TRAF7: variants seen among roughly 807,000 people sequenced by gnomAD.
TRAF7 encodes E3 ubiquitin-protein ligase TRAF7.
A neutral mutation model predicts 89.3 loss-of-function variants in TRAF7; 45 were observed. The ratio of observed to expected loss-of-function variants is 0.50; its 90% CI spans 0.40 to 0.65. TRAF7 has a LOEUF of 0.65. Ranked by LOEUF, TRAF7 falls within the 30% of genes least tolerant of loss-of-function variation. The probability of loss-of-function intolerance (pLI) is 0.00; values close to 1 mark genes in which losing one functional copy is unlikely to be tolerated. For missense variants in TRAF7, 677 were observed against 918.1 expected, an observed-to-expected ratio of 0.74 and a Z score of 3.39; for synonymous variants, 406 against 369.2, an observed-to-expected ratio of 1.10 and a Z score of -1.14.
At position 2,157,234 on chromosome 16, in the gene TRAF7, C is replaced by G. The variant is rs553374115; in HGVS notation, c.-39+1376C>G. 2.6e-5 allele frequency among the ~76,000 whole-genome samples: 4 copies of G among 152,218 alleles called. No individual in the cohort carries two copies. The South Asian group carries it at 8.3e-4, about 32-fold the overall frequency. On this transcript the variant is annotated intron_variant, in intron 1 of 20. Transcript: ENST00000326181. ...TTGCGAATATCCTGACTTCACTGTT[C>G]TGGGCATTCATAGTTCTCTGTGGAA...
chr16:2,173,029 G>C (rs1223385466), intron 9 of TRAF7, among the ~76,000 whole-genome samples, 153 bp from the exon 10 acceptor site: 1 of 152,228 alleles, frequency 6.6e-6, no homozygotes, highest in South Asian at 2.1e-4. Flanking sequence ...GGGGGTAGCT[G>C]GATGGGGAGG....
At chr16:2,166,256 C>T (rs2093086254) in intron 3 of TRAF7, among the ~76,000 whole-genome samples, 1 of 152,144 alleles carries the variant, frequency 6.6e-6, no homozygotes, top group African/African-American at 2.4e-5. Context: ...TCACAGTGAT[C>T]CCCAGCTTGT....
chr16:2,173,675 G>C (rs1596678358), intron 11 of TRAF7, 113 bp from the exon 12 acceptor site: 1 of 1,573,238 alleles, frequency 6.4e-7, no homozygotes, highest in East Asian at 2.3e-5. Flanking sequence ...TGTGTGGCAG[G>C]GGCTGCTGTC....
chr16:2,173,859 T>TTGCGCCCCCCCCC, intron 12 of TRAF7, 23 bp downstream of exon 12: 1 of 1,246,252 alleles, frequency 8.0e-7, no homozygotes, highest in Non-Finnish European at 1.1e-6. Flanking sequence ...CCGCCGTGGC[T>TTGCGCCCCCCCCC]CCCGCCCACC....
At chr16:2,167,100 C>G (rs2093089495) in intron 3 of TRAF7, among the ~76,000 whole-genome samples, 1 of 151,756 alleles carries the variant, frequency 6.6e-6, no homozygotes, top group Admixed American at 6.6e-5. Flanking sequence ...CTTTTTTTTT[C>G]TAATCCTACC....
At position 2,158,383 on chromosome 16, in the gene TRAF7, G is replaced by C. The variant is rs961038312; in HGVS notation, c.-39+2525G>C. 6.6e-6 allele frequency among the ~76,000 whole-genome samples: 1 copy of C among 152,196 alleles called. No individual in the cohort carries two copies. On this transcript the variant is annotated intron_variant, in intron 1 of 20. Transcript: ENST00000326181. The surrounding 1 kb of genome is among the most constrained non-coding windows in gnomAD (Gnocchi z 4.7). ...AGGGGAAAGCGGGCACTGGAGGCTG[G>C]GGCTGGTCACGTGTAGACCCGGACA...
intron 11 of TRAF7, 88 bp downstream of exon 11, chr16:2,173,642 A>C: frequency 6.4e-7 from 1 of 1,573,862 alleles, no homozygotes; most frequent in Non-Finnish European, 8.7e-7. Flanking sequence ...CCTTGCCTAC[A>C]CTAGTCAAGA....
At chr16:2,164,480 G>A (rs1363683083) in intron 2 of TRAF7, among the ~76,000 whole-genome samples, 30 of 140,132 alleles carry the variant, frequency 2.1e-4, no homozygotes, top group Middle Eastern at 4.7e-3. Context: ...TGGCCTGGTC[G>A]CATGGTTAAG....
At position 2,172,610 on chromosome 16, in the gene TRAF7, GGCGGGC is replaced by G; in HGVS notation, c.794+13_794+18del. On this transcript the variant is annotated intron_variant, in intron 9 of 20. Transcript: ENST00000326181. ...CCACTCCAAGTACGGGTGAGTGGGG[GGCGGGC>G]GGGGGTGGGCCGGGGTGGGCGCAGG... 6.5e-7 allele frequency: 1 copy of G among 1,540,806 alleles called. No individual in the cohort carries two copies. The highest frequency in any genetic ancestry group is 8.8e-7 in the Non-Finnish European group (1 of 1,140,584).
Position 2,172,556 on chromosome 16 carries a change from C to T in TRAF7, c.751C>T (p.Leu251Phe). ...PLLRMNLEAHLKECEHIKCPH... is the reference protein window; with the variant it reads ...PLLRMNLEAHFKECEHIKCPH... ...GCTCAGGATGAACCTGGAGGCCCAC[C>T]TCAAGGAGTGCGAGCACATCAAATG... is the stretch of plus-strand genomic sequence containing the variant. The change falls in exon 9 of 21, where the codon CTC becomes TTC. Residue 251 changes from leucine (L) to phenylalanine (F), a missense_variant. This residue lies in a region of TRAF7 where 238 missense variants were observed against 352.6 expected (regional missense o/e 0.67). Transcript: ENST00000326181. The T allele has an allele frequency of 1.9e-6, 3 of 1,572,220 alleles. No homozygotes were observed. Among genetic ancestry groups the T allele is most frequent in the Non-Finnish European group, 2.6e-6 (3 of 1,159,458 alleles).
At chr16:2,166,449 C>T (rs2093086989) in intron 3 of TRAF7, among the ~76,000 whole-genome samples, 2 of 152,140 alleles carry the variant, frequency 1.3e-5, no homozygotes, top group Non-Finnish European at 2.9e-5. Context: ...CACTCTGTCA[C>T]CCAAGCTGGA....
intron 6 of TRAF7, 71 bp from the exon 7 acceptor site, chr16:2,171,501 G>A (rs1217023832): frequency 6.2e-7 from 1 of 1,606,148 alleles, no homozygotes; most frequent in Non-Finnish European, 8.5e-7. Flanking sequence ...GAGGCCTGTG[G>A]CTGCCATGGC....
chr16:2,156,929 G>A (rs939509760), intron 1 of TRAF7, among the ~76,000 whole-genome samples: 3 of 152,098 alleles, frequency 2.0e-5, no homozygotes, highest in Admixed American at 6.5e-5. Flanking sequence ...GTCAAGATAC[G>A]GTTGTCTTGA....
intron 12 of TRAF7, 23 bp downstream of exon 12, chr16:2,173,859 T>TGGGGGGCCCCCCCC: frequency 1.6e-5 from 20 of 1,246,022 alleles, no homozygotes; most frequent in Non-Finnish European, 2.1e-5. Context: ...CCGCCGTGGC[T>TGGGGGGCCCCCCCC]CCCGCCCACC....
At position 2,177,291 on chromosome 16, in the gene TRAF7, A is replaced by T. The variant is rs376350214; in HGVS notation, c.*717A>T. The T allele has an allele frequency of 4.2e-6, 1 of 235,852 alleles. No homozygotes were observed. The allele number at this position is 235,852 out of a possible 1,614,324, so 14.6% of individuals were successfully genotyped here. ...CCTCTGAGGAGAGGCCTGGGGGGAC[A>T]GCTGGGCACGTCCACTCGCAGGGAA... On this transcript the variant is annotated 3_prime_UTR_variant, in exon 21 of 21. Coordinates refer to ENST00000326181, the MANE Select transcript of TRAF7 (RefSeq NM_032271.3).
intron 12 of TRAF7, 23 bp downstream of exon 12, chr16:2,173,859 T>TGGGCGGCCC: frequency 8.0e-7 from 1 of 1,246,256 alleles, no homozygotes; most frequent in East Asian, 3.2e-5. Flanking sequence ...CCGCCGTGGC[T>TGGGCGGCCC]CCCGCCCACC....
In TRAF7 at chr16:2,168,290, C is replaced by T; in HGVS notation, c.231+122C>T. On this transcript the variant is annotated intron_variant, in intron 4 of 20. Transcript: ENST00000326181. The surrounding 1 kb of genome is among the most constrained non-coding windows in gnomAD (Gnocchi z 4.1). ...GTGAGGCACAGGAGAAGAAGAGCAC[C>T]TGTGGATACCCTGAGGCCTCGGCAG... The T allele has an allele frequency of 1.3e-6, 1 of 767,128 alleles. No individual in the cohort carries two copies. The highest frequency in any genetic ancestry group is 2.1e-6 in the Non-Finnish European group (1 of 482,456). 47.5% of individuals were successfully genotyped at this position (767,128 alleles called of 1,614,324 possible). A position where few individuals can be genotyped will look rare whatever the true frequency, so the allele number is the denominator to read the frequency against.
In TRAF7 at chr16:2,171,615, T is replaced by C. The variant is rs2093111218; in HGVS notation, c.475+10T>C. The C allele has an allele frequency of 6.2e-7, 1 of 1,613,196 alleles. No homozygotes were observed. Among genetic ancestry groups the C allele is most frequent in the East Asian group, 2.2e-5 (1 of 44,868 alleles). On this transcript the variant is annotated intron_variant, in intron 7 of 20. Transcript: ENST00000326181. ...TGCGCCTTGAAGTCAGGTAGGTTTG[T>C]GCCCCGGCCCAGGCCTGACGCCGAC...
intron 7 of TRAF7, 137 bp downstream of exon 7, chr16:2,171,742 C>A (rs919674212): frequency 4.5e-6 from 6 of 1,336,580 alleles, no homozygotes; most frequent in East Asian, 4.9e-5. Flanking sequence ...GGGGCTGCAG[C>A]CGTCCTAGGG....
Sources: allele counts gnomAD v4.1 joint callset (sites outside exome capture counted in the v4.1 genomes callset), GRCh38; gene constraint gnomAD v4.1.1; regional missense constraint gnomAD v4.1.1; non-coding constraint Gnocchi (gnomAD v3.1); transcripts MANE v1.5; gene names NCBI Gene and HGNC (gene_info 2026-07-23, HGNC 2026-07-21).